The following LRP1B variants were observed in gnomAD, a reference collection of about 807,000 sequenced individuals.
The protein encoded by LRP1B is LDL receptor related protein 1B, also known as low-density lipoprotein receptor-related protein 1B.
A neutral mutation model predicts 556.6 loss-of-function variants in LRP1B; 217 were observed. That is an observed-to-expected ratio of 0.39 (90% confidence interval 0.35 to 0.44). The LOEUF is 0.44. LRP1B is among the 20% of genes least tolerant of loss of function. The probability of loss-of-function intolerance (pLI) is 1.00; values close to 1 mark genes in which losing one functional copy is unlikely to be tolerated. For synonymous variants in LRP1B, 2,047 were observed against 1,865.8 expected, an observed-to-expected ratio of 1.10 and a Z score of -2.50; for missense variants, 5,053 against 5,620.8, an observed-to-expected ratio of 0.90 and a Z score of 3.23.
At chr2:141,454,437 T>G (rs1439992050) in intron 3 of LRP1B, among the ~76,000 whole-genome samples, 1 of 152,196 alleles carries the variant, frequency 6.6e-6, no homozygotes, top group Non-Finnish European at 1.5e-5. Context: ...AGTCCTTCCC[T>G]GCGTGCACTG....
At chr2:141,892,370 C>A (rs1699317183) in intron 1 of LRP1B, among the ~76,000 whole-genome samples, 1 of 151,776 alleles carries the variant, frequency 6.6e-6, no homozygotes, top group African/African-American at 2.4e-5. Flanking sequence ...TACGGATAGA[C>A]CCTTTTTTCT....
chr2:140,906,449 CT>C (rs1694256921), intron 22 of LRP1B, among the ~76,000 whole-genome samples: 1 of 151,574 alleles, frequency 6.6e-6, no homozygotes, highest in African/African-American at 2.4e-5. Context: ...TGTCTTTTGC[CT>C]TTTATTTATT....
At chr2:141,001,531 C>T (rs1697424144) in intron 15 of LRP1B, among the ~76,000 whole-genome samples, 1 of 152,066 alleles carries the variant, frequency 6.6e-6, no homozygotes, top group South Asian at 2.1e-4. Flanking sequence ...CAAGTGTTCT[C>T]ATTGTTCAAT....
At chr2:141,082,046 A>G (rs1307393752) in intron 7 of LRP1B, among the ~76,000 whole-genome samples, 2 of 152,206 alleles carry the variant, frequency 1.3e-5, no homozygotes, top group Non-Finnish European at 2.9e-5. Context: ...TGATCTAGTC[A>G]TGACAAAGGA....
intron 41 of LRP1B, among the ~76,000 whole-genome samples, chr2:140,619,372 G>A (rs1188443513): frequency 1.3e-5 from 2 of 152,098 alleles, no homozygotes; most frequent in Non-Finnish European, 2.9e-5. Context: ...ATATGTGTGT[G>A]TATGTATATG....
chr2:141,001,757 C>T (rs1051089160), intron 15 of LRP1B, among the ~76,000 whole-genome samples: 2 of 152,058 alleles, frequency 1.3e-5, no homozygotes, highest in African/African-American at 2.4e-5. Context: ...GGCAGAAGTC[C>T]CTGAAAGCTA....
chr2:142,112,170 A>T (rs1487984171), intron 1 of LRP1B, among the ~76,000 whole-genome samples: 1 of 152,060 alleles, frequency 6.6e-6, no homozygotes, highest in East Asian at 1.9e-4. Context: ...GAAATGCTCA[A>T]CCTTACTCTA....
intron 23 of LRP1B, chr2:140,899,017 G>T: frequency 2.9e-6 from 1 of 342,368 alleles, no homozygotes; most frequent in South Asian, 2.6e-5. Flanking sequence ...CATCTGCAGT[G>T]ATTGCCAGAT....
chr2:140,644,740 A>T (rs993653925), intron 41 of LRP1B, among the ~76,000 whole-genome samples: 1 of 152,136 alleles, frequency 6.6e-6, no homozygotes, highest in Non-Finnish European at 1.5e-5. Flanking sequence ...ACATAGGACT[A>T]CATGGTGCAA....
chr2:141,920,355 A>T (rs16847640), intron 1 of LRP1B, among the ~76,000 whole-genome samples: 44,578 of 150,612 alleles, frequency 0.3, 7,758 homozygotes, highest in South Asian at 0.46. Flanking sequence ...TGGACAATTA[A>T]TCACATATAA....
At chr2:141,673,518 A>G (rs1266472878) in intron 2 of LRP1B, among the ~76,000 whole-genome samples, 1 of 152,142 alleles carries the variant, frequency 6.6e-6, no homozygotes, top group Admixed American at 6.6e-5. Flanking sequence ...GACATATTTC[A>G]ATACATCAAG....
At chr2:140,753,163 C>T (rs1412293613) in intron 35 of LRP1B, among the ~76,000 whole-genome samples, 1 of 152,070 alleles carries the variant, frequency 6.6e-6, no homozygotes, top group Non-Finnish European at 1.5e-5. Flanking sequence ...TGATCATAGA[C>T]AAATTTTTCC....
chr2:140,323,875 A>G lies in LRP1B; in HGVS notation c.12514+18T>C. ...ATAATTTACCAATATAGACAACTTC[A>G]TAATATATTATACTTACAATCTAGT... On this transcript the variant is annotated intron_variant, in intron 81 of 90. Coordinates refer to ENST00000389484, the MANE Select transcript of LRP1B (RefSeq NM_018557.3). 2.4e-6 allele frequency: 3 copies of G among 1,271,874 alleles called. No individual in the cohort carries two copies. The highest frequency in any genetic ancestry group is 3.4e-6 in the Non-Finnish European group (3 of 890,668). The allele number at this position is 1,271,874 out of a possible 1,614,324, so 78.8% of individuals were successfully genotyped here. A position where few individuals can be genotyped will look rare whatever the true frequency, so the allele number is the denominator to read the frequency against.
At chr2:141,858,470 T>G (rs765373967) in intron 1 of LRP1B, among the ~76,000 whole-genome samples, 3 of 152,176 alleles carry the variant, frequency 2.0e-5, no homozygotes, top group Admixed American at 6.5e-5. Flanking sequence ...AGTAATAGTT[T>G]AGATACATAA....
chr2:141,705,977 T>C (rs1692122023), intron 2 of LRP1B, among the ~76,000 whole-genome samples: 1 of 152,040 alleles, frequency 6.6e-6, no homozygotes, highest in Non-Finnish European at 1.5e-5. Flanking sequence ...TAGATTCGAC[T>C]TCACCATTCG....
chr2:141,021,198 C>T (rs796293862), intron 11 of LRP1B, among the ~76,000 whole-genome samples: 1 of 152,016 alleles, frequency 6.6e-6, no homozygotes, highest in Non-Finnish European at 1.5e-5. Context: ...ATCTAGATCA[C>T]ATTTCCCTGT....
chr2:141,749,985 C>T (rs756175660), intron 2 of LRP1B, among the ~76,000 whole-genome samples: 20 of 152,046 alleles, frequency 1.3e-4, no homozygotes, highest in Non-Finnish European at 2.2e-4. Context: ...AACTAGTAAC[C>T]GGAAGGAAGC....
intron 32 of LRP1B, among the ~76,000 whole-genome samples, chr2:140,803,259 A>AGT (rs1690578123): frequency 1.7e-5 from 1 of 58,304 alleles, no homozygotes; most frequent in African/African-American, 4.5e-5. Context: ...TCCTATTGAA[A>AGT]GTTTTTTTTT....
intron 3 of LRP1B, among the ~76,000 whole-genome samples, chr2:141,454,080 T>G (rs1368778150): frequency 1.1e-4 from 16 of 152,138 alleles, no homozygotes; most frequent in Non-Finnish European, 2.2e-4. Context: ...AAATATGTAT[T>G]TAACATGCTT....
Sources: allele counts gnomAD v4.1 joint callset (sites outside exome capture counted in the v4.1 genomes callset), GRCh38; gene constraint gnomAD v4.1.1; transcripts MANE v1.5; gene names NCBI Gene and HGNC (gene_info 2026-07-23, HGNC 2026-07-21).